MACROD2: variants seen among roughly 807,000 people sequenced by gnomAD.
MACROD2 encodes the protein ADP-ribose glycohydrolase MACROD2.
In MACROD2, 36 loss-of-function variants were observed where a neutral mutation model predicts 70.4. The observed-to-expected ratio is 0.51, with a 90% CI of 0.39 to 0.68. The LOEUF (loss-of-function observed/expected upper bound fraction) is 0.68, where lower values mean the gene tolerates loss of function less well. Among genes scored for constraint, MACROD2 ranks in the 30% least tolerant of loss-of-function variants. The pLI is 0.00. For synonymous variants in MACROD2, 172 were observed against 178.8 expected, an observed-to-expected ratio of 0.96 and a Z score of 0.30; for missense variants, 496 against 538.4, an observed-to-expected ratio of 0.92 and a Z score of 0.78.
chr20:15,304,149 C>T (rs1190142314), intron 6 of MACROD2, among the ~76,000 whole-genome samples: 1 of 151,838 alleles, frequency 6.6e-6, no homozygotes, highest in Non-Finnish European at 1.5e-5. Context: ...TTTAAGTGCT[C>T]CTTTATTTAT....
At chr20:15,031,756 G>A (rs2075276172) in intron 5 of MACROD2, among the ~76,000 whole-genome samples, 1 of 152,158 alleles carries the variant, frequency 6.6e-6, no homozygotes, top group Non-Finnish European at 1.5e-5. Flanking sequence ...GCCATAGGCG[G>A]GCCTGGAGGG....
intron 5 of MACROD2, among the ~76,000 whole-genome samples, chr20:15,178,362 C>T (rs1452141338): frequency 1.3e-5 from 2 of 152,188 alleles, no homozygotes; most frequent in Non-Finnish European, 2.9e-5. Context: ...TTATGGGCAT[C>T]CTTCTTCAAA....
At chr20:14,889,042 G>T (rs2073717476) in intron 5 of MACROD2, among the ~76,000 whole-genome samples, 1 of 152,168 alleles carries the variant, frequency 6.6e-6, no homozygotes, top group African/African-American at 2.4e-5. Context: ...TGTAAACTGT[G>T]GTGGCTTTAC....
intron 4 of MACROD2, among the ~76,000 whole-genome samples, chr20:14,624,780 T>C (rs1357837452): frequency 2.0e-5 from 3 of 152,186 alleles, no homozygotes; most frequent in African/African-American, 7.2e-5. Context: ...GATGTTATCC[T>C]AGTTGATAAA....
intron 4 of MACROD2, among the ~76,000 whole-genome samples, chr20:14,564,403 A>G (rs1979639013): frequency 6.6e-6 from 1 of 152,032 alleles, no homozygotes; most frequent in Non-Finnish European, 1.5e-5. Flanking sequence ...TAACAGAGTA[A>G]AAAGACAACA....
At chr20:15,991,415 C>A (rs2066557396) in intron 15 of MACROD2, among the ~76,000 whole-genome samples, 1 of 152,184 alleles carries the variant, frequency 6.6e-6, no homozygotes, top group Admixed American at 6.5e-5. Flanking sequence ...ACTGGCAGAG[C>A]CCTTTCTTCT....
intron 5 of MACROD2, among the ~76,000 whole-genome samples, chr20:14,821,873 A>C (rs1465874415): frequency 1.3e-5 from 2 of 152,082 alleles, no homozygotes; most frequent in African/African-American, 4.8e-5. Context: ...GTATACTTAC[A>C]TTTCCAAAGA....
In MACROD2 at chr20:15,862,822, CGTA is replaced by C; in HGVS notation, c.725_727del (p.Val242del). On this transcript the variant is annotated inframe_deletion and splice_region_variant, in exon 9 of 18. Transcript: ENST00000684519. ...AAAAGAAAATGAATGAGTTTTTCTCCGTAGGTGAGTAAAGCAACTTCTTGTTTT... is the reference window on the plus strand; with the variant it reads ...AAAAGAAAATGAATGAGTTTTTCTCCGGTGAGTAAAGCAACTTCTTGTTTT... 2 of 1,606,154 alleles carry C rather than the reference CGTA, an allele frequency of 1.2e-6. No individual in the cohort carries two copies. The highest frequency in any genetic ancestry group is 1.7e-6 in the Non-Finnish European group (2 of 1,175,168).
At chr20:14,843,533 G>C (rs1466321318) in intron 5 of MACROD2, among the ~76,000 whole-genome samples, 2 of 151,974 alleles carry the variant, frequency 1.3e-5, no homozygotes, top group Admixed American at 1.3e-4. Flanking sequence ...AATTAAATCT[G>C]TCCTGTTGAT....
chr20:15,941,317 A>G (rs907806771), intron 12 of MACROD2, among the ~76,000 whole-genome samples: 2 of 152,176 alleles, frequency 1.3e-5, no homozygotes, highest in African/African-American at 4.8e-5. Flanking sequence ...CTAGTATGCA[A>G]GCTTCTTTCA....
At chr20:14,037,903 T>C (rs1036491777) in intron 2 of MACROD2, among the ~76,000 whole-genome samples, 2 of 151,784 alleles carry the variant, frequency 1.3e-5, no homozygotes, top group African/African-American at 4.8e-5. Context: ...TAGCCTCGGC[T>C]ACTCAGGAGG....
intron 4 of MACROD2, among the ~76,000 whole-genome samples, chr20:14,515,463 A>ACACACACACG (rs34190778): frequency 0.12 from 16,830 of 138,572 alleles, 1,132 homozygotes; most frequent in East Asian, 0.3. Flanking sequence ...ATACACACAC[A>ACACACACACG]CGCACACACA....
chr20:14,442,625 G>A (rs986191190), intron 3 of MACROD2, among the ~76,000 whole-genome samples: 1 of 151,964 alleles, frequency 6.6e-6, no homozygotes, highest in Admixed American at 6.6e-5. Flanking sequence ...CCTTCACACT[G>A]GATTCTTGCT....
intron 5 of MACROD2, among the ~76,000 whole-genome samples, chr20:14,954,048 G>A (rs1474712001): frequency 2.0e-5 from 3 of 152,048 alleles, no homozygotes; most frequent in Admixed American, 2.0e-4. Context: ...AGTCCTCAAT[G>A]TTCTAATGCG....
intron 7 of MACROD2, among the ~76,000 whole-genome samples, chr20:15,462,693 G>C (rs777103872): frequency 6.6e-5 from 10 of 152,102 alleles, no homozygotes; most frequent in Non-Finnish European, 2.9e-5. Context: ...CTTCAGGTTT[G>C]GTAAAAAAGG....
chr20:14,828,683 A>T (rs994305883), intron 5 of MACROD2, among the ~76,000 whole-genome samples: 2 of 152,134 alleles, frequency 1.3e-5, no homozygotes, highest in African/African-American at 4.8e-5. Context: ...ATGGAGAGTC[A>T]GGAAAAGCTT....
intron 6 of MACROD2, among the ~76,000 whole-genome samples, chr20:15,308,002 A>G (rs1373082680): frequency 6.6e-6 from 1 of 152,148 alleles, no homozygotes; most frequent in South Asian, 2.1e-4. Context: ...AGGGAATATC[A>G]CAGAGCAATG....
chr20:15,460,798 CAT>C (rs1385440572), intron 7 of MACROD2, among the ~76,000 whole-genome samples: 1 of 151,730 alleles, frequency 6.6e-6, no homozygotes, highest in Non-Finnish European at 1.5e-5. Flanking sequence ...CCCATGGCCT[CAT>C]AGACATTTGT....
intron 9 of MACROD2, among the ~76,000 whole-genome samples, chr20:15,866,707 T>G (rs1804785697): frequency 6.6e-6 from 1 of 152,164 alleles, no homozygotes; most frequent in Non-Finnish European, 1.5e-5. Context: ...CTGCCCATCA[T>G]TTTTCAGAGA....
Sources: allele counts gnomAD v4.1 joint callset (sites outside exome capture counted in the v4.1 genomes callset), GRCh38; gene constraint gnomAD v4.1.1; transcripts MANE v1.5; gene names NCBI Gene and HGNC (gene_info 2026-07-23, HGNC 2026-07-21).